Variants in FAF1 observed in about 807,000 individuals in gnomAD.
The protein encoded by FAF1 is Fas associated factor 1.
In FAF1, 25 loss-of-function variants were observed where a neutral mutation model predicts 92.5. The observed-to-expected ratio is 0.27, with a 90% confidence interval of 0.20 to 0.38. The LOEUF is 0.38. Ranked by LOEUF, FAF1 falls within the 10% of genes least tolerant of loss-of-function variation. FAF1 has a pLI of 1.00. For synonymous variants in FAF1, 234 were observed against 273.2 expected, an observed-to-expected ratio of 0.86 and a Z score of 1.42; for missense variants, 636 against 793.3, an observed-to-expected ratio of 0.80 and a Z score of 2.38.
intron 1 of FAF1, among the ~76,000 whole-genome samples, chr1:50,917,985 T>C (rs562718627): frequency 1.3e-4 from 20 of 152,242 alleles, no homozygotes; most frequent in African/African-American, 4.8e-4. Context: ...ATCAGACCTA[T>C]GGTTTCACAC....
intron 8 of FAF1, among the ~76,000 whole-genome samples, chr1:50,655,031 C>T (rs375570512): frequency 7.4e-5 from 11 of 148,474 alleles, no homozygotes; most frequent in African/African-American, 2.5e-4. Flanking sequence ...AGTGCAATGG[C>T]GCAATCTCGG....
At position 50,946,101 on chromosome 1, in the gene FAF1, C is replaced by T. The variant is rs140568271; in HGVS notation, c.45+13666G>A. On this transcript the variant is annotated intron_variant, in intron 1 of 18. Transcript: ENST00000396153. The stretch of plus-strand genomic sequence containing the variant: ...GGGCTGAGCCATAAGACATTATGCA[C>T]TCCATCTCTCAGGCAAAGCAAAATT... Among the ~76,000 whole-genome samples the T allele has an allele frequency of 2.3e-4, 35 of 152,360 alleles. No individual in the cohort carries two copies. In the East Asian group the frequency reaches 6.5e-3, roughly 29 times the overall value.
chr1:50,881,582 T>C (rs538295617), intron 1 of FAF1, among the ~76,000 whole-genome samples: 2 of 152,298 alleles, frequency 1.3e-5, no homozygotes, highest in South Asian at 2.1e-4. Context: ...CAGAGGATAC[T>C]GGGGATTTGA....
chr1:50,586,126 A>G (rs1572851177), intron 9 of FAF1, among the ~76,000 whole-genome samples: 1 of 152,308 alleles, frequency 6.6e-6, no homozygotes, highest in South Asian at 2.1e-4. Flanking sequence ...CATAGATTTT[A>G]AAGCTGGAAG....
chr1:50,445,043 C>A (rs1161869184), intron 18 of FAF1, among the ~76,000 whole-genome samples: 1 of 152,106 alleles, frequency 6.6e-6, no homozygotes, highest in Admixed American at 6.5e-5. Flanking sequence ...ATAGTCCAAG[C>A]ACTTTAATAT....
chr1:50,764,618 T>A (rs1660492678), intron 4 of FAF1, among the ~76,000 whole-genome samples: 1 of 152,200 alleles, frequency 6.6e-6, no homozygotes, highest in African/African-American at 2.4e-5. Flanking sequence ...TTGTTTCCCA[T>A]TTCTCATGAA....
chr1:50,819,859 A>C (rs1179382435), intron 2 of FAF1, among the ~76,000 whole-genome samples: 1 of 143,882 alleles, frequency 7.0e-6, no homozygotes, highest in African/African-American at 2.6e-5. Flanking sequence ...TTCAGCACTT[A>C]CTAGGAAATT....
chr1:50,730,238 G>T (rs981040645), intron 6 of FAF1, among the ~76,000 whole-genome samples: 1 of 151,508 alleles, frequency 6.6e-6, no homozygotes, highest in Non-Finnish European at 1.5e-5. Flanking sequence ...GATTTTATTA[G>T]CATAAAGACA....
chr1:50,889,412 G>T (rs1053268489), intron 1 of FAF1, among the ~76,000 whole-genome samples: 7 of 152,112 alleles, frequency 4.6e-5, no homozygotes, highest in Admixed American at 3.3e-4. Context: ...GCTAGCTTTT[G>T]AATGTGTTTG....
chr1:50,506,850 C>T (rs1647064995), intron 15 of FAF1, among the ~76,000 whole-genome samples: 1 of 152,176 alleles, frequency 6.6e-6, no homozygotes, highest in African/African-American at 2.4e-5. Flanking sequence ...AAGGTACCTG[C>T]TGTAGAAACT....
intron 18 of FAF1, among the ~76,000 whole-genome samples, chr1:50,473,730 C>A (rs1482679304): frequency 1.3e-5 from 2 of 152,104 alleles, no homozygotes; most frequent in Admixed American, 6.6e-5. Context: ...AGAAAAGGAA[C>A]AATAGTCAGC....
At chr1:50,639,713 A>G (rs962949710) in intron 8 of FAF1, among the ~76,000 whole-genome samples, 1 of 152,040 alleles carries the variant, frequency 6.6e-6, no homozygotes, top group African/African-American at 2.4e-5. Flanking sequence ...AGGCGGGTGG[A>G]TCACAAGGTC....
At chr1:50,578,914 T>G (rs1417369014) in intron 12 of FAF1, among the ~76,000 whole-genome samples, 1 of 152,122 alleles carries the variant, frequency 6.6e-6, no homozygotes, top group Non-Finnish European at 1.5e-5. Context: ...GTACATAAAC[T>G]GTTGATCTGT....
At chr1:50,823,558 A>G (rs986555514) in intron 2 of FAF1, among the ~76,000 whole-genome samples, 1 of 152,274 alleles carries the variant, frequency 6.6e-6, no homozygotes, top group Non-Finnish European at 1.5e-5. Context: ...ATCATTTTAG[A>G]TCATAACAGT....
intron 6 of FAF1, among the ~76,000 whole-genome samples, chr1:50,711,116 G>C (rs1657908563): frequency 6.6e-6 from 1 of 151,632 alleles, no homozygotes; most frequent in African/African-American, 2.4e-5. Flanking sequence ...CACCATTGTG[G>C]TCAGGCTGGT....
At chr1:50,582,373 G>A (rs1373692880) in intron 12 of FAF1, 1 of 411,772 alleles carries the variant, frequency 2.4e-6, no homozygotes, top group Non-Finnish European at 4.4e-6. Flanking sequence ...AACAAATAAA[G>A]TCTCCAATCT....
At chr1:50,664,768 T>G (rs994879312) in intron 7 of FAF1, among the ~76,000 whole-genome samples, 1 of 151,804 alleles carries the variant, frequency 6.6e-6, no homozygotes, top group Non-Finnish European at 1.5e-5. Context: ...CACTCCAGAC[T>G]GGGCGACAGA....
At chr1:50,539,866 A>G in intron 13 of FAF1, 138 bp from the exon 14 acceptor site, 1 of 629,928 alleles carries the variant, frequency 1.6e-6, no homozygotes, top group South Asian at 2.0e-5. Flanking sequence ...AAATCTTGCT[A>G]TATTGAGTTT....
At chr1:50,806,442 G>A (rs1662205502) in intron 2 of FAF1, among the ~76,000 whole-genome samples, 1 of 152,188 alleles carries the variant, frequency 6.6e-6, no homozygotes. Context: ...TTGATATACA[G>A]GTAAACATGT....
Sources: gnomAD v4.1 joint callset for allele counts (sites outside exome capture counted in the v4.1 genomes callset) on GRCh38, gnomAD v4.1.1 for gene constraint, MANE v1.5 for transcripts, NCBI Gene and HGNC (gene_info 2026-07-23, HGNC 2026-07-21) for gene names.